ARAP2: variants seen among roughly 807,000 people sequenced by gnomAD.
ARAP2 encodes arf-GAP with Rho-GAP domain, ANK repeat and PH domain-containing protein 2.
In ARAP2, 148 loss-of-function variants were observed where a neutral mutation model predicts 194.5. The ratio of observed to expected loss-of-function variants is 0.76; its 90% confidence interval spans 0.67 to 0.87. The LOEUF (loss-of-function observed/expected upper bound fraction) is 0.87, where lower values mean the gene tolerates loss of function less well. Among genes scored for constraint, ARAP2 ranks in the 40% least tolerant of loss-of-function variants. The probability of loss-of-function intolerance (pLI) is 0.00; values close to 1 mark genes in which losing one functional copy is unlikely to be tolerated. For missense variants in ARAP2, 2,128 were observed against 1,989.7 expected (o/e 1.07, Z -1.32); for synonymous variants, 695 against 683.5 (o/e 1.02, Z -0.26).
intron 20 of ARAP2, among the ~76,000 whole-genome samples, chr4:36,129,415 C>T (rs1344546711): frequency 2.0e-5 from 3 of 151,952 alleles, no homozygotes; most frequent in Non-Finnish European, 4.4e-5. Context: ...TTTGACCACA[C>T]AATCTTGCTT....
chr4:36,184,528 G>C (rs1740060048), intron 8 of ARAP2, among the ~76,000 whole-genome samples: 1 of 152,146 alleles, frequency 6.6e-6, no homozygotes, highest in African/African-American at 2.4e-5. Flanking sequence ...TCAGAAAGAT[G>C]AACTATACAC....
At chr4:36,239,733 T>C (rs1387972570) in intron 1 of ARAP2, among the ~76,000 whole-genome samples, 1 of 152,238 alleles carries the variant, frequency 6.6e-6, no homozygotes, top group African/African-American at 2.4e-5. Flanking sequence ...AACTATACAC[T>C]TTAAAATGAT....
chr4:36,182,189 C>G (rs1354063403), intron 8 of ARAP2, among the ~76,000 whole-genome samples: 1 of 152,120 alleles, frequency 6.6e-6, no homozygotes, highest in African/African-American at 2.4e-5. Flanking sequence ...GTACTTTTTA[C>G]TCTCAGTAAG....
intron 10 of ARAP2, among the ~76,000 whole-genome samples, chr4:36,165,793 T>A (rs1157055568): frequency 6.6e-6 from 1 of 152,156 alleles, no homozygotes; most frequent in African/African-American, 2.4e-5. Context: ...CCCTGCAATG[T>A]GCAAAGGAAT....
intron 17 of ARAP2, 59 bp downstream of exon 17, chr4:36,148,346 A>G (rs1730139740): frequency 3.0e-6 from 4 of 1,312,074 alleles, no homozygotes; most frequent in Non-Finnish European, 4.3e-6. Context: ...AAGCTCAAAC[A>G]CAGACTCCCA....
intron 19 of ARAP2, among the ~76,000 whole-genome samples, chr4:36,134,735 T>TACACACACAC (rs71199697): frequency 2.5e-4 from 37 of 148,064 alleles, no homozygotes; most frequent in African/African-American, 9.0e-4. Flanking sequence ...CACACACAAA[T>TACACACACAC]ACACACACAC....
intron 1 of ARAP2, among the ~76,000 whole-genome samples, chr4:36,242,049 G>A (rs1753617727): frequency 6.6e-6 from 1 of 152,190 alleles, no homozygotes; most frequent in Non-Finnish European, 1.5e-5. Context: ...AGAAACAAGT[G>A]AGCAAAATGG....
At chr4:36,200,674 CCA>C (rs1744177915) in intron 6 of ARAP2, among the ~76,000 whole-genome samples, 1 of 152,072 alleles carries the variant, frequency 6.6e-6, no homozygotes, top group Non-Finnish European at 1.5e-5. Context: ...TTCTAACTGC[CCA>C]TGTAAAATTA....
chr4:36,064,238 C>CA (rs1725003201), downstream of ARAP2, among the ~76,000 whole-genome samples: 4 of 142,198 alleles, frequency 2.8e-5, no homozygotes, highest in Admixed American at 1.4e-4. Flanking sequence ...ACTAAGCCTT[C>CA]ATTATGCAAG....
At chr4:36,113,230 G>C (rs967280330) in intron 26 of ARAP2, among the ~76,000 whole-genome samples, 5 of 151,856 alleles carry the variant, frequency 3.3e-5, no homozygotes, top group African/African-American at 1.2e-4. Flanking sequence ...TGCACGAGGA[G>C]GATTGAGACC....
Position 36,212,486 on chromosome 4 carries a change from T to G in ARAP2, c.1043A>C (p.Lys348Thr), listed in dbSNP as rs2109277460. The G allele has an allele frequency of 6.2e-7, 1 of 1,609,810 alleles. No individual in the cohort carries two copies. The highest frequency in any genetic ancestry group is 8.5e-7 in the Non-Finnish European group (1 of 1,177,212). The change falls in exon 5 of 33, where the codon AAG becomes ACG. Residue 348 changes from lysine to threonine, a missense_variant and splice_region_variant. Coordinates refer to ENST00000303965, the MANE Select transcript of ARAP2 (RefSeq NM_015230.4). The part of the protein sequence containing the change: ...FLFQRLENSK[K>T]RSIKNEFLTQ... ...CAAAAATTCATTCTTTATAGATCGC[T>G]TCTATTAAAAAAGCAAACAAACAAA...
intron 8 of ARAP2, among the ~76,000 whole-genome samples, chr4:36,183,028 A>G (rs1739644507): frequency 6.6e-6 from 1 of 152,192 alleles, no homozygotes; most frequent in African/African-American, 2.4e-5. Context: ...GGGCCCCACA[A>G]TCGAGTATTT....
At chr4:36,062,338 A>G (rs1724581916), downstream of ARAP2, among the ~76,000 whole-genome samples, 1 of 152,182 alleles carries the variant, frequency 6.6e-6, no homozygotes, top group Admixed American at 6.5e-5. Context: ...TCCTTCAGTG[A>G]TAAGAAGTTA....
intron 27 of ARAP2, among the ~76,000 whole-genome samples, chr4:36,107,254 C>T (rs1287612125): frequency 6.6e-6 from 1 of 151,972 alleles, no homozygotes; most frequent in East Asian, 1.9e-4. Context: ...ACAGAGATGA[C>T]TTGCCCTCAG....
At chr4:36,114,359 T>A (rs1221868481) in intron 25 of ARAP2, 72 bp from the exon 26 acceptor site, 1 of 873,490 alleles carries the variant, frequency 1.1e-6, no homozygotes, top group Non-Finnish European at 1.8e-6. Context: ...GTCAATAATA[T>A]TCCCCATCCA....
intron 19 of ARAP2, among the ~76,000 whole-genome samples, chr4:36,136,088 C>T (rs1726643509): frequency 6.6e-6 from 1 of 151,802 alleles, no homozygotes; most frequent in Non-Finnish European, 1.5e-5. Context: ...GATGGTTTGA[C>T]ATTTAATAGC....
At chr4:36,031,543 A>ATCC (rs1485991750) in intron 5 of ARAP2, among the ~76,000 whole-genome samples, 1 of 152,210 alleles carries the variant, frequency 6.6e-6, no homozygotes, top group Non-Finnish European at 1.5e-5. Flanking sequence ...CATAACAAAT[A>ATCC]CCTATACCAT....
intron 5 of ARAP2, among the ~76,000 whole-genome samples, chr4:36,045,331 T>C (rs575920979): frequency 4.9e-4 from 75 of 152,282 alleles, no homozygotes; most frequent in Admixed American, 1.5e-3. Context: ...AAACATGGTA[T>C]ATATTCACAA....
At chr4:36,055,056 G>T (rs1723268480) in intron 2 of ARAP2, among the ~76,000 whole-genome samples, 1 of 152,116 alleles carries the variant, frequency 6.6e-6, no homozygotes, top group Non-Finnish European at 1.5e-5. Flanking sequence ...AACCCTAAGG[G>T]TTTTGTCATT....
Sources: gnomAD v4.1 joint callset for allele counts (sites outside exome capture counted in the v4.1 genomes callset) on GRCh38, gnomAD v4.1.1 for gene constraint, MANE v1.5 for transcripts, NCBI Gene and HGNC (gene_info 2026-07-23, HGNC 2026-07-21) for gene names.